The following LRP1B variants were observed in gnomAD, a reference collection of about 807,000 sequenced individuals.
The protein encoded by LRP1B is low-density lipoprotein receptor-related protein 1B.
In LRP1B, 217 loss-of-function variants were observed where a neutral mutation model predicts 556.6. The ratio of observed to expected loss-of-function variants is 0.39; its 90% confidence interval spans 0.35 to 0.44. The LOEUF (loss-of-function observed/expected upper bound fraction) is 0.44. Among genes scored for constraint, LRP1B ranks in the 20% least tolerant of loss-of-function variants. The probability of loss-of-function intolerance (pLI) is 1.00; values close to 1 mark genes in which losing one functional copy is unlikely to be tolerated. For synonymous variants in LRP1B, 2,047 were observed against 1,865.8 expected (o/e 1.10, Z -2.50); for missense variants, 5,053 against 5,620.8 (o/e 0.90, Z 3.23).
At chr2:140,494,479 C>G (rs907979909) in intron 56 of LRP1B, among the ~76,000 whole-genome samples, 1 of 151,854 alleles carries the variant, frequency 6.6e-6, no homozygotes, top group Non-Finnish European at 1.5e-5. Context: ...GTGGCGGGCA[C>G]CTGTAGTCTC....
chr2:141,319,467 T>C (rs1485246151), intron 3 of LRP1B, among the ~76,000 whole-genome samples: 5 of 152,014 alleles, frequency 3.3e-5, no homozygotes, highest in Admixed American at 6.6e-5. Flanking sequence ...GTATATCACA[T>C]ACACTGAAGT....
At chr2:142,012,948 C>T (rs182004769) in intron 1 of LRP1B, among the ~76,000 whole-genome samples, 19 of 152,098 alleles carry the variant, frequency 1.2e-4, no homozygotes, top group African/African-American at 4.3e-4. Context: ...TATAATATGA[C>T]ATTTATATTG....
Position 141,570,179 on chromosome 2 carries a change from C to A in LRP1B, c.206-89646G>T, listed in dbSNP as rs1420139678. On this transcript the variant is annotated intron_variant, in intron 2 of 90. Transcript: ENST00000389484. The stretch of plus-strand genomic sequence containing the variant: ...AACAAAACATAATAAGTGTGTGAAT[C>A]CTTCACCCCCAACGAAGGCCTCTGG... Among the ~76,000 whole-genome samples, 2 of 150,996 alleles carry A rather than the reference C, an allele frequency of 1.3e-5. 1 individual carries two copies. The highest frequency in any genetic ancestry group is 3.0e-5 in the Non-Finnish European group (2 of 67,372).
intron 2 of LRP1B, among the ~76,000 whole-genome samples, chr2:141,545,454 A>T (rs1685517115): frequency 6.6e-6 from 1 of 152,208 alleles, no homozygotes; most frequent in South Asian, 2.1e-4. Context: ...CCTTGGCAAA[A>T]GGAACCTTAC....
At chr2:140,830,033 A>G (rs1174863852) in intron 31 of LRP1B, among the ~76,000 whole-genome samples, 1 of 152,062 alleles carries the variant, frequency 6.6e-6, no homozygotes, top group African/African-American at 2.4e-5. Context: ...TTCTGAATAC[A>G]TACAACCTAC....
intron 35 of LRP1B, among the ~76,000 whole-genome samples, chr2:140,747,565 G>A (rs1688359443): frequency 6.6e-6 from 1 of 152,138 alleles, no homozygotes; most frequent in Non-Finnish European, 1.5e-5. Context: ...CCTCAATGGA[G>A]AAATTTCAAT....
chr2:141,019,245 T>C (rs1193345031), intron 12 of LRP1B, among the ~76,000 whole-genome samples: 3 of 152,186 alleles, frequency 2.0e-5, no homozygotes, highest in East Asian at 3.9e-4. Flanking sequence ...ATACATACTA[T>C]AAAATGATGT....
rs1055136478 is a variant in LRP1B, at chr2:140,231,658, T to A, written c.*1528A>T. On this transcript the variant is annotated 3_prime_UTR_variant, in exon 91 of 91. Coordinates refer to ENST00000389484, the MANE Select transcript of LRP1B (RefSeq NM_018557.3). ...TCAATAGTTTATAAAGGCCTCAATATGGCAAAGTTTAGAAATAGGTAGTAT... is the reference window on the plus strand; with the variant it reads ...TCAATAGTTTATAAAGGCCTCAATAAGGCAAAGTTTAGAAATAGGTAGTAT... 2.0e-5 allele frequency: 3 copies of A among 151,750 alleles called. No homozygotes were observed. The South Asian group carries it at 6.2e-4, about 31-fold the overall frequency. The allele number at this position is 151,750 out of a possible 1,614,324, so 9.4% of individuals were successfully genotyped here. A position where few individuals can be genotyped will look rare whatever the true frequency, so the allele number is the denominator to read the frequency against.
At chr2:142,079,847 GT>G (rs1705649660) in intron 1 of LRP1B, among the ~76,000 whole-genome samples, 1 of 151,998 alleles carries the variant, frequency 6.6e-6, no homozygotes, top group South Asian at 2.1e-4. Context: ...GATATCTTAT[GT>G]TTTAATTTGC....
intron 7 of LRP1B, among the ~76,000 whole-genome samples, chr2:141,143,835 CTT>C (rs11408374): frequency 5.9e-4 from 88 of 148,100 alleles, no homozygotes; most frequent in Middle Eastern, 3.5e-3. Flanking sequence ...CTTTCCTAAT[CTT>C]TTTTTTTTTT....
rs576239192 is a variant in LRP1B, at chr2:140,666,359, T to C, written c.6799+33891A>G. On this transcript the variant is annotated intron_variant, in intron 41 of 90. Coordinates refer to ENST00000389484, the MANE Select transcript of LRP1B (RefSeq NM_018557.3). Reference sequence around the variant, plus strand: ...CACAAATAAATTGCCTCCCAAAATGTTGGGGGAGGGCATTAGGAGTCTCGG... The same window carrying C: ...CACAAATAAATTGCCTCCCAAAATGCTGGGGGAGGGCATTAGGAGTCTCGG... 4.0e-5 allele frequency among the ~76,000 whole-genome samples: 6 copies of C among 151,562 alleles called. No individual in the cohort carries two copies. In the East Asian group the frequency reaches 5.8e-4, roughly 15 times the overall value.
intron 2 of LRP1B, among the ~76,000 whole-genome samples, chr2:141,694,419 G>T (rs1361223094): frequency 1.3e-5 from 2 of 152,034 alleles, no homozygotes; most frequent in Non-Finnish European, 2.9e-5. Flanking sequence ...TGGCCTGAGT[G>T]CATAATGTGC....
intron 1 of LRP1B, among the ~76,000 whole-genome samples, chr2:141,909,402 AATTT>A (rs1270580719): frequency 2.6e-5 from 4 of 152,020 alleles, no homozygotes; most frequent in African/African-American, 9.7e-5. Flanking sequence ...TCCTCACTAT[AATTT>A]ACTCATTCCC....
At chr2:141,438,805 A>C (rs1680859665) in intron 3 of LRP1B, among the ~76,000 whole-genome samples, 1 of 152,160 alleles carries the variant, frequency 6.6e-6, no homozygotes, top group African/African-American at 2.4e-5. Flanking sequence ...CTAGTTCTAG[A>C]TTGAAGAACA....
intron 68 of LRP1B, among the ~76,000 whole-genome samples, chr2:140,377,190 C>G (rs937862231): frequency 6.6e-6 from 1 of 152,164 alleles, no homozygotes; most frequent in Admixed American, 6.5e-5. Flanking sequence ...ATTCCCCTCC[C>G]TCAGCCTCCC....
At chr2:141,112,572 T>C (rs1700782643) in intron 7 of LRP1B, among the ~76,000 whole-genome samples, 1 of 152,228 alleles carries the variant, frequency 6.6e-6, no homozygotes, top group African/African-American at 2.4e-5. Context: ...TAATGCTATT[T>C]GTGAGTTCAA....
intron 7 of LRP1B, among the ~76,000 whole-genome samples, chr2:141,159,073 A>G (rs1214190748): frequency 6.6e-6 from 1 of 152,178 alleles, no homozygotes; most frequent in East Asian, 1.9e-4. Flanking sequence ...TAAGTGAAGG[A>G]AAGAAAAGGA....
intron 3 of LRP1B, among the ~76,000 whole-genome samples, chr2:141,460,582 T>A (rs1371672325): frequency 2.0e-5 from 3 of 152,154 alleles, no homozygotes; most frequent in African/African-American, 7.2e-5. Context: ...TGATTCAAGT[T>A]TTTAAAGGAC....
intron 35 of LRP1B, among the ~76,000 whole-genome samples, chr2:140,766,859 T>TATAATATATATATA (rs1559106474): frequency 3.6e-3 from 180 of 50,104 alleles, no homozygotes; most frequent in African/African-American, 7.5e-3. Context: ...TATATATATA[T>TATAATATATATATA]ATATATAATA....
Sources: gnomAD v4.1 joint callset for allele counts (sites outside exome capture counted in the v4.1 genomes callset) on GRCh38, gnomAD v4.1.1 for gene constraint, MANE v1.5 for transcripts, NCBI Gene and HGNC (gene_info 2026-07-23, HGNC 2026-07-21) for gene names.